VAV3: variants seen among roughly 807,000 people sequenced by gnomAD.
The protein encoded by VAV3 is guanine nucleotide exchange factor VAV3.
A neutral mutation model predicts 131.2 loss-of-function variants in VAV3; 94 were observed. That is an observed-to-expected ratio of 0.72 (90% CI 0.61 to 0.85). VAV3 has a LOEUF of 0.85. Among genes scored for constraint, VAV3 ranks in the 40% least tolerant of loss-of-function variants. VAV3 has a pLI of 0.00. For synonymous variants in VAV3, 349 were observed against 342.0 expected (o/e 1.02, Z -0.22); for missense variants, 939 against 1,002.7 (o/e 0.94, Z 0.86).
chr1:107,672,773 A>C (rs867466312), intron 19 of VAV3, among the ~76,000 whole-genome samples: 1 of 152,222 alleles, frequency 6.6e-6, no homozygotes, highest in Non-Finnish European at 1.5e-5. Flanking sequence ...AAAATAATCT[A>C]TCTCACTAAA....
chr1:107,607,596 C>A (rs762746329), intron 22 of VAV3, among the ~76,000 whole-genome samples: 1 of 152,132 alleles, frequency 6.6e-6, no homozygotes, highest in African/African-American at 2.4e-5. Flanking sequence ...CCTGCCACTG[C>A]AGGAAAGGGC....
At chr1:107,926,761 C>A (rs533047786) in intron 1 of VAV3, among the ~76,000 whole-genome samples, 1 of 152,144 alleles carries the variant, frequency 6.6e-6, no homozygotes, top group Non-Finnish European at 1.5e-5. Flanking sequence ...CCAGCCCTGG[C>A]CAGAGGGGAA....
chr1:107,881,098 T>C (rs1670751327), intron 1 of VAV3, among the ~76,000 whole-genome samples: 1 of 152,238 alleles, frequency 6.6e-6, no homozygotes, highest in Non-Finnish European at 1.5e-5. Context: ...TACTATGTTA[T>C]ATTAACTCCA....
At chr1:107,680,302 T>C (rs1658512264) in intron 19 of VAV3, among the ~76,000 whole-genome samples, 1 of 151,936 alleles carries the variant, frequency 6.6e-6, no homozygotes, top group South Asian at 2.1e-4. Flanking sequence ...TGAAAGCCAT[T>C]AGATTAAGGG....
intron 18 of VAV3, among the ~76,000 whole-genome samples, chr1:107,687,451 GTTAC>G (rs1659110901): frequency 6.6e-6 from 1 of 151,858 alleles, no homozygotes. Context: ...AATTTTCATC[GTTAC>G]TTTGAAATTT....
At chr1:107,747,759 C>T (rs35790538) in intron 15 of VAV3, among the ~76,000 whole-genome samples, 1 of 152,166 alleles carries the variant, frequency 6.6e-6, no homozygotes, top group Non-Finnish European at 1.5e-5. Flanking sequence ...GCAGCCAGTT[C>T]ATGGCAGTGA....
At chr1:107,776,412 T>G (rs756342649) in intron 4 of VAV3, among the ~76,000 whole-genome samples, 1 of 151,782 alleles carries the variant, frequency 6.6e-6, no homozygotes, top group East Asian at 1.9e-4. Flanking sequence ...TGTAAGGGGG[T>G]GGTGGCAATT....
chr1:107,964,359 C>CCA (rs3833474), intron 1 of VAV3: 5 of 264,582 alleles, frequency 1.9e-5, no homozygotes, highest in Non-Finnish European at 3.6e-5. Context: ...CTTTGTCGCG[C>CCA]CACACACACG....
intron 1 of VAV3, among the ~76,000 whole-genome samples, chr1:107,952,756 G>A (rs115653101): frequency 0.01 from 1,557 of 152,022 alleles, 10 homozygotes; most frequent in Non-Finnish European, 0.016. Context: ...ACAGGGTCAG[G>A]GATTGAGTTT....
intron 19 of VAV3, 35 bp from the exon 20 acceptor site, chr1:107,642,790 A>C (rs1480322868): frequency 1.2e-6 from 2 of 1,612,348 alleles, no homozygotes; most frequent in African/African-American, 1.3e-5. Flanking sequence ...AGAATTGAGA[A>C]AACAATGATG....
chr1:107,772,616 T>C (rs1043222768), intron 5 of VAV3, 119 bp downstream of exon 5: 11 of 757,554 alleles, frequency 1.5e-5, no homozygotes, highest in Non-Finnish European at 2.1e-5. Context: ...CATAATTATA[T>C]AGTTATAAGC....
chr1:107,791,702 G>GA (rs1432646442), intron 2 of VAV3, among the ~76,000 whole-genome samples: 1 of 152,174 alleles, frequency 6.6e-6, no homozygotes, highest in East Asian at 1.9e-4. Flanking sequence ...AGCCAGGGTT[G>GA]AAAATCACAG....
At chr1:107,761,144 C>T (rs1664392083) in intron 9 of VAV3, among the ~76,000 whole-genome samples, 1 of 152,118 alleles carries the variant, frequency 6.6e-6, no homozygotes, top group Admixed American at 6.5e-5. Flanking sequence ...AATCCCAGCA[C>T]TTTGGGAGGC....
At chr1:107,700,259 G>T (rs1660019930) in intron 17 of VAV3, among the ~76,000 whole-genome samples, 1 of 146,398 alleles carries the variant, frequency 6.8e-6, no homozygotes, top group South Asian at 2.3e-4. Context: ...AAGACAAGTG[G>T]CCATGAGCAA....
intron 1 of VAV3, among the ~76,000 whole-genome samples, chr1:107,910,367 C>G (rs144005477): frequency 6.6e-6 from 1 of 152,202 alleles, no homozygotes; most frequent in Admixed American, 6.5e-5. Context: ...CAATCACATA[C>G]TTTTCACTCC....
At chr1:107,778,617 C>G (rs1229333335) in intron 3 of VAV3, among the ~76,000 whole-genome samples, 2 of 152,162 alleles carry the variant, frequency 1.3e-5, no homozygotes, top group African/African-American at 4.8e-5. Context: ...GAGAACCCCA[C>G]TAAGTCCTGC....
intron 2 of VAV3, among the ~76,000 whole-genome samples, chr1:107,861,302 C>G (rs375256978): frequency 6.6e-6 from 1 of 151,606 alleles, no homozygotes; most frequent in Admixed American, 6.6e-5. Flanking sequence ...TAAAAGCCAA[C>G]GCTAATTAAT....
At chr1:107,582,289 G>A (rs182708986) in intron 25 of VAV3, among the ~76,000 whole-genome samples, 8 of 152,190 alleles carry the variant, frequency 5.3e-5, no homozygotes, top group Non-Finnish European at 1.0e-4. Flanking sequence ...TTTTATTTTA[G>A]AACTCAGGCA....
intron 2 of VAV3, among the ~76,000 whole-genome samples, chr1:107,868,192 T>C (rs1204120368): frequency 6.6e-6 from 1 of 152,148 alleles, no homozygotes; most frequent in Non-Finnish European, 1.5e-5. Context: ...CCCAAAGATT[T>C]CTGGATAATT....
Sources: gnomAD v4.1 joint callset for allele counts (sites outside exome capture counted in the v4.1 genomes callset) on GRCh38, gnomAD v4.1.1 for gene constraint, MANE v1.5 for transcripts, NCBI Gene and HGNC (gene_info 2026-07-23, HGNC 2026-07-21) for gene names.